The following PTPRD variants were observed in gnomAD, a reference collection of about 807,000 sequenced individuals.
PTPRD encodes the protein receptor-type tyrosine-protein phosphatase delta.
In PTPRD, 34 loss-of-function variants were observed where a neutral mutation model predicts 214.5. That is an observed-to-expected ratio of 0.16 (90% CI 0.12 to 0.21). The LOEUF is 0.21. Ranked by LOEUF, PTPRD falls within the 10% of genes least tolerant of loss-of-function variation. The probability of loss-of-function intolerance (pLI) is 1.00; values close to 1 mark genes in which losing one functional copy is unlikely to be tolerated. For synonymous variants in PTPRD, 1,128 were observed against 845.7 expected (o/e 1.33, Z -5.79); for missense variants, 2,545 against 2,398.7 (o/e 1.06, Z -1.27).
At chr9:10,206,932 A>G (rs963763062) in intron 3 of PTPRD, among the ~76,000 whole-genome samples, 2 of 152,180 alleles carry the variant, frequency 1.3e-5, no homozygotes, top group African/African-American at 4.8e-5. Flanking sequence ...AAAAATTATC[A>G]GATTTGCATA....
chr9:9,397,662 ATTT>A (rs2068421704), intron 8 of PTPRD, among the ~76,000 whole-genome samples, 180 bp from the exon 9 acceptor site: 1 of 152,016 alleles, frequency 6.6e-6, no homozygotes, highest in Admixed American at 6.6e-5. Context: ...CATCACCACC[ATTT>A]AAGGAGTAAA....
At chr9:8,619,516 C>A (rs1398175073) in intron 14 of PTPRD, among the ~76,000 whole-genome samples, 3 of 151,938 alleles carry the variant, frequency 2.0e-5, no homozygotes, top group African/African-American at 7.2e-5. Context: ...GTATAACAAC[C>A]AAATGCATTA....
chr9:10,610,509 G>T (rs200268080), intron 2 of PTPRD, among the ~76,000 whole-genome samples: 1 of 112,308 alleles, frequency 8.9e-6, no homozygotes, highest in Admixed American at 8.6e-5. Flanking sequence ...CAATAATTAA[G>T]TTTTTTTTTT....
intron 17 of PTPRD, chr9:8,525,240 T>C (rs1474960529): frequency 1.4e-6 from 1 of 699,152 alleles, no homozygotes; most frequent in Non-Finnish European, 2.6e-6. Context: ...ACATCATCAA[T>C]GCTAGCATTA....
chr9:9,174,802 T>C (rs777144338), intron 10 of PTPRD, among the ~76,000 whole-genome samples: 1 of 152,168 alleles, frequency 6.6e-6, no homozygotes, highest in Non-Finnish European at 1.5e-5. Context: ...TGGAACCATT[T>C]AATGTGCTAA....
chr9:10,036,153 A>G (rs2097176686), intron 3 of PTPRD, among the ~76,000 whole-genome samples: 1 of 152,170 alleles, frequency 6.6e-6, no homozygotes, highest in Admixed American at 6.6e-5. Context: ...AAAGATACAA[A>G]TTTAATAATT....
At chr9:9,318,721 T>A (rs2135878334) in intron 9 of PTPRD, among the ~76,000 whole-genome samples, 1 of 152,276 alleles carries the variant, frequency 6.6e-6, no homozygotes. Flanking sequence ...ACAGACAACA[T>A]CCAGACAGTT....
At chr9:9,520,365 C>G (rs1394229506) in intron 8 of PTPRD, among the ~76,000 whole-genome samples, 1 of 149,914 alleles carries the variant, frequency 6.7e-6, no homozygotes, top group African/African-American at 2.5e-5. Context: ...TGCATGAATA[C>G]TATGACAGAA....
At chr9:10,322,132 C>A (rs926907679) in intron 3 of PTPRD, among the ~76,000 whole-genome samples, 4 of 151,936 alleles carry the variant, frequency 2.6e-5, no homozygotes, top group Non-Finnish European at 5.9e-5. Context: ...AACCAAACCC[C>A]CATTAAATAT....
chr9:9,921,032 T>C (rs1363994742), intron 5 of PTPRD, among the ~76,000 whole-genome samples: 2 of 152,124 alleles, frequency 1.3e-5, no homozygotes, highest in African/African-American at 4.8e-5. Context: ...GCTTTCTTTT[T>C]GCCTTTAGCT....
At chr9:8,916,804 C>T (rs538169888) in intron 11 of PTPRD, among the ~76,000 whole-genome samples, 54 of 152,142 alleles carry the variant, frequency 3.5e-4, no homozygotes, top group African/African-American at 1.3e-3. Context: ...TTGGAAACAA[C>T]GAGCTATAAA....
intron 3 of PTPRD, among the ~76,000 whole-genome samples, chr9:10,041,748 C>T (rs1362721456): frequency 6.6e-6 from 1 of 151,964 alleles, no homozygotes; most frequent in African/African-American, 2.4e-5. Flanking sequence ...TGATTAAGCA[C>T]TTTTACAAAA....
chr9:8,963,361 G>A (rs2099168665), intron 11 of PTPRD, among the ~76,000 whole-genome samples: 1 of 152,040 alleles, frequency 6.6e-6, no homozygotes. Context: ...CAACTGGGTG[G>A]TAATACGGGT....
chr9:9,737,836 C>T (rs1412155654), intron 6 of PTPRD, among the ~76,000 whole-genome samples: 1 of 151,918 alleles, frequency 6.6e-6, no homozygotes, highest in Non-Finnish European at 1.5e-5. Flanking sequence ...GTTTACAGTC[C>T]TCCTGGGTAT....
At chr9:9,554,667 T>C (rs1387779305) in intron 8 of PTPRD, among the ~76,000 whole-genome samples, 1 of 152,018 alleles carries the variant, frequency 6.6e-6, no homozygotes, top group Non-Finnish European at 1.5e-5. Context: ...CTCATTAGAA[T>C]TCAACTCCAG....
intron 5 of PTPRD, among the ~76,000 whole-genome samples, chr9:9,924,349 A>G (rs1050670363): frequency 1.3e-5 from 2 of 152,104 alleles, no homozygotes; most frequent in African/African-American, 2.4e-5. Flanking sequence ...TCTATTGAAC[A>G]GGACTATAGC....
At chr9:10,517,152 T>C (rs2050406815) in intron 2 of PTPRD, among the ~76,000 whole-genome samples, 1 of 152,056 alleles carries the variant, frequency 6.6e-6, no homozygotes, top group Admixed American at 6.5e-5. Context: ...GTAGATAATT[T>C]TAGGTAGTAT....
chr9:9,847,285 T>C (rs1328361672), intron 5 of PTPRD, among the ~76,000 whole-genome samples: 1 of 152,136 alleles, frequency 6.6e-6, no homozygotes, highest in African/African-American at 2.4e-5. Flanking sequence ...ACACATACTA[T>C]CATCCATAAG....
chr9:9,879,102 G>A (rs2067798645), intron 5 of PTPRD, among the ~76,000 whole-genome samples: 1 of 152,146 alleles, frequency 6.6e-6, no homozygotes, highest in Admixed American at 6.5e-5. Flanking sequence ...TCTTCTTTCT[G>A]AATGTGAATC....
Sources: allele counts gnomAD v4.1 joint callset (sites outside exome capture counted in the v4.1 genomes callset), GRCh38; gene constraint gnomAD v4.1.1; transcripts MANE v1.5; gene names NCBI Gene and HGNC (gene_info 2026-07-23, HGNC 2026-07-21).